Variants in RPRD1B observed in about 807,000 individuals in gnomAD.
RPRD1B encodes regulation of nuclear pre-mRNA domain-containing protein 1B.
RPRD1B carries 11 observed loss-of-function variants against 41.5 expected under a neutral mutation model. The observed-to-expected ratio is 0.27, with a 90% CI of 0.17 to 0.44. The LOEUF is 0.44. Among genes scored for constraint, RPRD1B ranks in the 20% least tolerant of loss-of-function variants. The pLI is 1.00. For synonymous variants in RPRD1B, 158 were observed against 155.6 expected (o/e 1.02, Z -0.12); for missense variants, 248 against 389.9 (o/e 0.64, Z 3.06).
intron 6 of RPRD1B, among the ~76,000 whole-genome samples, chr20:38,077,277 A>G (rs2074472014): frequency 6.6e-6 from 1 of 152,002 alleles, no homozygotes; most frequent in South Asian, 2.1e-4. Context: ...CTGGATGTTG[A>G]TGGCCTACCT....
intron 6 of RPRD1B, among the ~76,000 whole-genome samples, chr20:38,075,028 T>TAA (rs1396540970): frequency 2.0e-5 from 3 of 152,214 alleles, no homozygotes; most frequent in African/African-American, 7.2e-5. Flanking sequence ...TAGTCAATGA[T>TAA]TATTTGTATT....
intron 5 of RPRD1B, among the ~76,000 whole-genome samples, chr20:38,062,828 G>GCCCCCC (rs35010909): frequency 2.9e-4 from 10 of 34,714 alleles, no homozygotes; most frequent in Non-Finnish European, 3.7e-4. Flanking sequence ...AAAAGCCAGA[G>GCCCCCC]CCCCCCCCCC....
intron 1 of RPRD1B, among the ~76,000 whole-genome samples, chr20:38,034,358 C>G (rs1019042390): frequency 6.6e-6 from 1 of 152,178 alleles, no homozygotes; most frequent in Admixed American, 6.5e-5. Flanking sequence ...CCTTCAGTTT[C>G]CCCCTGACAT....
At position 38,090,690 on chromosome 20, in the gene RPRD1B, G is replaced by A; in HGVS notation, c.*815G>A. On this transcript the variant is annotated 3_prime_UTR_variant, in exon 7 of 7. Coordinates refer to ENST00000373433, the MANE Select transcript of RPRD1B (RefSeq NM_021215.4). ...GGTGGGTGCGAAGGCAGTTGTTAGG[G>A]ATGGCAGGCATTGGTGGGCTCCAAA... The A allele has an allele frequency of 2.0e-6, 2 of 985,516 alleles. No individual in the cohort carries two copies. Among genetic ancestry groups the A allele is most frequent in the Non-Finnish European group, 2.4e-6 (2 of 829,970 alleles). 61.0% of individuals were successfully genotyped at this position (985,516 alleles called of 1,614,324 possible).
At chr20:38,040,631 T>C in intron 2 of RPRD1B, 67 bp downstream of exon 2, 1 of 1,523,368 alleles carries the variant, frequency 6.6e-7, no homozygotes, top group Non-Finnish European at 8.9e-7. Flanking sequence ...GTTCTTTCCT[T>C]TTCTGTGATA....
chr20:38,088,544 T>C (rs576269616), intron 6 of RPRD1B, among the ~76,000 whole-genome samples: 1 of 152,318 alleles, frequency 6.6e-6, no homozygotes, highest in African/African-American at 2.4e-5. Context: ...TACTTACCCT[T>C]GCAGAGACAC....
At chr20:38,048,749 C>G (rs1199877999) in intron 3 of RPRD1B, 1 of 253,902 alleles carries the variant, frequency 3.9e-6, no homozygotes, top group Non-Finnish European at 6.2e-6. Flanking sequence ...TTTCCTTGCA[C>G]AAGGAAAGGA....
At chr20:38,034,152 C>T in intron 1 of RPRD1B, 54 bp downstream of exon 1, 2 of 1,576,440 alleles carry the variant, frequency 1.3e-6, no homozygotes, top group Non-Finnish European at 1.7e-6. Context: ...CTCTCGCCCA[C>T]ATACAACCTA....
intron 5 of RPRD1B, among the ~76,000 whole-genome samples, chr20:38,062,696 G>T (rs1424325177): frequency 6.6e-6 from 1 of 152,004 alleles, no homozygotes; most frequent in Non-Finnish European, 1.5e-5. Context: ...TACTTCGTTT[G>T]TTCCTCTTGC....
At chr20:38,075,502 C>T (rs1190940062) in intron 6 of RPRD1B, among the ~76,000 whole-genome samples, 1 of 152,122 alleles carries the variant, frequency 6.6e-6, no homozygotes, top group South Asian at 2.1e-4. Context: ...TTTGAGCTGC[C>T]TGTTTGACCT....
intron 6 of RPRD1B, among the ~76,000 whole-genome samples, chr20:38,068,517 G>T (rs899264373): frequency 6.6e-6 from 1 of 152,232 alleles, no homozygotes. Context: ...TCAGCCTCCT[G>T]AGTAGCTGGG....
At chr20:38,072,601 G>C (rs2074423198) in intron 6 of RPRD1B, among the ~76,000 whole-genome samples, 1 of 152,164 alleles carries the variant, frequency 6.6e-6, no homozygotes, top group African/African-American at 2.4e-5. Flanking sequence ...TCACTTTGGG[G>C]AGTATTGCGA....
intron 6 of RPRD1B, among the ~76,000 whole-genome samples, chr20:38,080,169 CT>C (rs1443093868): frequency 6.6e-6 from 1 of 152,236 alleles, no homozygotes; most frequent in East Asian, 1.9e-4. Flanking sequence ...TGTAAGTTGT[CT>C]TTTTGCTCTG....
Position 38,055,506 on chromosome 20 carries a change from T to G in RPRD1B, c.416-2026T>G, listed in dbSNP as rs149041550. On this transcript the variant is annotated intron_variant, in intron 3 of 6. Coordinates refer to ENST00000373433, the MANE Select transcript of RPRD1B (RefSeq NM_021215.4). ...AGGACGTTGTCATTCTTTTCATCACTCCCACTTTCTTCATTGCTAAGTTGG... is the reference window on the plus strand; with the variant it reads ...AGGACGTTGTCATTCTTTTCATCACGCCCACTTTCTTCATTGCTAAGTTGG... Among the ~76,000 whole-genome samples the G allele has an allele frequency of 2.4e-4, 37 of 152,000 alleles. 1 individual carries two copies. The East Asian group carries it at 7.2e-3, about 29-fold the overall frequency.
At chr20:38,085,313 T>G (rs2074550383) in intron 6 of RPRD1B, 1 of 152,232 alleles carries the variant, frequency 6.6e-6, no homozygotes, top group African/African-American at 2.4e-5. Flanking sequence ...TGAATTCCAG[T>G]TCTAGGCAGG....
At chr20:38,051,877 AAGTAGC>A (rs1452652694) in intron 3 of RPRD1B, among the ~76,000 whole-genome samples, 1 of 152,106 alleles carries the variant, frequency 6.6e-6, no homozygotes, top group Non-Finnish European at 1.5e-5. Flanking sequence ...TCAGCCTTCC[AAGTAGC>A]TGGGATTACA....
At chr20:38,084,788 G>C (rs1005755572) in intron 6 of RPRD1B, among the ~76,000 whole-genome samples, 4 of 152,134 alleles carry the variant, frequency 2.6e-5, no homozygotes, top group Non-Finnish European at 5.9e-5. Flanking sequence ...TTTGCCAAGA[G>C]CATAAATCCT....
intron 2 of RPRD1B, among the ~76,000 whole-genome samples, chr20:38,041,208 T>C (rs2074062989): frequency 6.6e-6 from 1 of 152,222 alleles, no homozygotes; most frequent in Admixed American, 6.5e-5. Context: ...TCTGTGGGCT[T>C]AAATTAGGTG....
chr20:38,073,762 A>C (rs1279723522), intron 6 of RPRD1B, among the ~76,000 whole-genome samples: 1 of 152,160 alleles, frequency 6.6e-6, no homozygotes, highest in East Asian at 1.9e-4. Flanking sequence ...CCGGTGATCT[A>C]ATTGTCATTT....
Sources: allele counts gnomAD v4.1 joint callset (sites outside exome capture counted in the v4.1 genomes callset), GRCh38; gene constraint gnomAD v4.1.1; transcripts MANE v1.5; gene names NCBI Gene and HGNC (gene_info 2026-07-23, HGNC 2026-07-21).